USP4: variants seen among roughly 807,000 people sequenced by gnomAD.
The protein encoded by USP4 is ubiquitin carboxyl-terminal hydrolase 4.
Under a neutral mutation model 118.2 loss-of-function variants are expected in USP4, and 72 were observed. The observed-to-expected ratio is 0.61, with a 90% confidence interval of 0.50 to 0.74. The LOEUF (loss-of-function observed/expected upper bound fraction) is 0.74. USP4 is among the 30% of genes least tolerant of loss of function. USP4 has a pLI of 0.00. For synonymous variants in USP4, 415 were observed against 440.4 expected, an observed-to-expected ratio of 0.94 and a Z score of 0.72; for missense variants, 1,037 against 1,185.7, an observed-to-expected ratio of 0.87 and a Z score of 1.84.
chr3:49,334,479 A>C (rs2047649261), intron 2 of USP4, among the ~76,000 whole-genome samples: 1 of 152,202 alleles, frequency 6.6e-6, no homozygotes, highest in Non-Finnish European at 1.5e-5. Flanking sequence ...AAGTTAGGCC[A>C]GGCACAGTGG....
chr3:49,336,818 G>A (rs1028125911), intron 1 of USP4, among the ~76,000 whole-genome samples: 6 of 151,636 alleles, frequency 4.0e-5, no homozygotes, highest in East Asian at 1.9e-4. Flanking sequence ...CACCGCACCC[G>A]GCCACAAGTC....
At position 49,335,553 on chromosome 3, in the gene USP4, C is replaced by G. The variant is rs151304167; in HGVS notation, c.145G>C (p.Val49Leu). The G allele has an allele frequency of 2.5e-6, 4 of 1,614,102 alleles. No homozygotes were observed. In the African/African-American group the frequency reaches 5.3e-5, roughly 22 times the overall value. Residue 49 changes from valine to leucine, a missense_variant, in exon 2 of 22, where the codon GTG becomes CTG. By Grantham distance (32) the Val-to-Leu change is conservative. Coordinates refer to ENST00000265560, the MANE Select transcript of USP4 (RefSeq NM_003363.4). ...TACATGTCCCAGCTGTCAAAGCCCACATACTTCTTCCACTGCTTGAACCAC... is the reference window on the plus strand; with the variant it reads ...TACATGTCCCAGCTGTCAAAGCCCAGATACTTCTTCCACTGCTTGAACCAC... Reference protein sequence around the residue: ...SRWFKQWKKYVGFDSWDMYNV... With the variant: ...SRWFKQWKKYLGFDSWDMYNV...
intron 6 of USP4, among the ~76,000 whole-genome samples, chr3:49,313,645 G>A (rs978750614): frequency 6.6e-6 from 1 of 152,110 alleles, no homozygotes; most frequent in Non-Finnish European, 1.5e-5. Context: ...GTTTCACTAC[G>A]CCTTCTATGG....
chr3:49,324,674 TACA>T (rs2047533194), intron 6 of USP4, 25 bp downstream of exon 6: 2 of 1,608,494 alleles, frequency 1.2e-6, no homozygotes, highest in Non-Finnish European at 1.7e-6. Flanking sequence ...CATGTGAGCC[TACA>T]ACAAGGGAGA....
intron 3 of USP4, 118 bp from the exon 4 acceptor site, chr3:49,325,963 G>A: frequency 8.0e-7 from 1 of 1,247,544 alleles, no homozygotes; most frequent in Non-Finnish European, 1.1e-6. Flanking sequence ...TTCCTTTACT[G>A]ATCAAGGGAT....
At chr3:49,336,165 CTTTTTTTT>C (rs34604530) in intron 1 of USP4, among the ~76,000 whole-genome samples, 6 of 83,000 alleles carry the variant, frequency 7.2e-5, no homozygotes, top group Admixed American at 3.4e-4. Flanking sequence ...CACCTGGCCT[CTTTTTTTT>C]TTTTTTTTTT....
chr3:49,286,692 A>C (rs1473841468), intron 15 of USP4, among the ~76,000 whole-genome samples: 2 of 152,094 alleles, frequency 1.3e-5, no homozygotes, highest in African/African-American at 4.8e-5. Context: ...AATGAAACGC[A>C]CACTCAACAC....
Position 49,286,184 on chromosome 3 carries a change from C to T in USP4, c.2114G>A (p.Arg705Lys). 6.2e-7 allele frequency: 1 copy of T among 1,614,090 alleles called. No homozygotes were observed. The highest frequency in any genetic ancestry group is 8.5e-7 in the Non-Finnish European group (1 of 1,180,018). ...GTTCACAAGACTGAAGGTAAAAAGC[C>T]TTTTTGGGCAGGGCTGGCCTTTGAT... is the stretch of plus-strand genomic sequence containing the variant. ...KKIKGQPCPK[R>K]LFTFSLVNSY... is the part of the protein sequence containing the mutation. The change falls in exon 16 of 22, where the codon AGG (arginine) becomes AAG (lysine). Residue 705 changes from arginine to lysine, a missense_variant. This residue lies in a region of USP4 where 522 missense variants were observed against 592.6 expected (regional missense o/e 0.88). Transcript: ENST00000265560.
In USP4 at chr3:49,294,571, A is replaced by C; in HGVS notation, c.1719T>G (p.Asp573Glu). ...CTGGAAGCGTGACACATTCCGAGCC[A>C]TCCACGGAAGTGCTGCAGACCTCGT... ...FVYEVCSTSVDGSECVTLPVY... is the reference protein window; with the variant it reads ...FVYEVCSTSVEGSECVTLPVY... Residue 573 changes from aspartate to glutamate, a missense_variant, in exon 14 of 22, where the codon GAT (aspartate) becomes GAG (glutamate). Asp to Glu is a conservative substitution (Grantham distance 45). This residue lies in a region of USP4 where 522 missense variants were observed against 592.6 expected (regional missense o/e 0.88). Transcript: ENST00000265560. The C allele has an allele frequency of 6.2e-7, 1 of 1,614,136 alleles. No individual in the cohort carries two copies. Among genetic ancestry groups the C allele is most frequent in the Non-Finnish European group, 8.5e-7 (1 of 1,180,010 alleles).
chr3:49,339,909 G>A lies in USP4; in HGVS notation c.101+15C>T. ...CCCTGGTTCTGCATAGAGGAAGAGCGAGCCGGGAGCTCACCACTGCGCCCC... is the reference window on the plus strand; with the variant it reads ...CCCTGGTTCTGCATAGAGGAAGAGCAAGCCGGGAGCTCACCACTGCGCCCC... On this transcript the variant is annotated intron_variant, in intron 1 of 21. Coordinates refer to ENST00000265560, the MANE Select transcript of USP4 (RefSeq NM_003363.4). The A allele has an allele frequency of 6.2e-7, 1 of 1,609,144 alleles. No homozygotes were observed. Among genetic ancestry groups the A allele is most frequent in the Non-Finnish European group, 8.5e-7 (1 of 1,177,182 alleles).
chr3:49,319,083 C>T (rs1446629710), intron 6 of USP4, among the ~76,000 whole-genome samples: 3 of 149,494 alleles, frequency 2.0e-5, no homozygotes, highest in Non-Finnish European at 3.0e-5. Flanking sequence ...AATTCCACCA[C>T]CTTGGGAGGG....
At chr3:49,325,979 G>T in intron 3 of USP4, 134 bp from the exon 4 acceptor site, 1 of 1,176,826 alleles carries the variant, frequency 8.5e-7, no homozygotes, top group Non-Finnish European at 1.2e-6. Flanking sequence ...GGGATCAAAA[G>T]AACAGATTTT....
chr3:49,322,489 A>G (rs1303492545), intron 6 of USP4, among the ~76,000 whole-genome samples: 1 of 152,196 alleles, frequency 6.6e-6, no homozygotes, highest in African/African-American at 2.4e-5. Flanking sequence ...GAATGTGCAT[A>G]TAATTCTACA....
chr3:49,321,477 C>G (rs557093307), intron 6 of USP4, among the ~76,000 whole-genome samples: 1 of 151,400 alleles, frequency 6.6e-6, no homozygotes, highest in Non-Finnish European at 1.5e-5. Flanking sequence ...TATTATTGTA[C>G]CTTTTTTTTT....
In USP4 at chr3:49,284,325, A is replaced by G; in HGVS notation, c.2390+141T>C. The G allele has an allele frequency of 1.4e-5, 15 of 1,038,160 alleles. No individual in the cohort carries two copies. The South Asian group carries it at 2.1e-4, about 15-fold the overall frequency. 64.3% of individuals were successfully genotyped at this position (1,038,160 alleles called of 1,614,324 possible). On this transcript the variant is annotated intron_variant, in intron 18 of 21. Coordinates refer to ENST00000265560, the MANE Select transcript of USP4 (RefSeq NM_003363.4). ...CGGCTTTCCTTGGAAACCTCAACTC[A>G]CAGAGGATTATGTTGTAGGGTTAGC...
At chr3:49,325,933 G>A (rs1382197711) in intron 3 of USP4, 88 bp from the exon 4 acceptor site, 2 of 1,498,558 alleles carry the variant, frequency 1.3e-6, no homozygotes, top group African/African-American at 1.4e-5. Context: ...GCAAAAAGCA[G>A]AAAACTCATG....
intron 15 of USP4, among the ~76,000 whole-genome samples, chr3:49,286,954 A>G (rs964584642): frequency 1.3e-5 from 2 of 152,046 alleles, no homozygotes; most frequent in Admixed American, 1.3e-4. Context: ...GGTTCAAGCG[A>G]TTCTCCTACC....
rs540235712 is a variant in USP4 at position 49,300,131 on chromosome 3, C to T, written c.1512+336G>A. ...GCGTGGTGGTACACGCCTGTAATCC[C>T]GGCTACTGAGTGGCTGAGGTAGGAG... On this transcript the variant is annotated intron_variant, in intron 11 of 21. Coordinates refer to ENST00000265560, the MANE Select transcript of USP4 (RefSeq NM_003363.4). 6.8e-4 allele frequency among the ~76,000 whole-genome samples: 103 copies of T among 152,036 alleles called. No individual in the cohort carries two copies. In the Middle Eastern group the frequency reaches 0.017, roughly 25 times the overall value.
At chr3:49,310,201 A>G (rs1314541294) in intron 8 of USP4, among the ~76,000 whole-genome samples, 1 of 152,056 alleles carries the variant, frequency 6.6e-6, no homozygotes, top group African/African-American at 2.4e-5. Context: ...CTGGGATTAC[A>G]GGCGTGAGCC....
Sources: gnomAD v4.1 joint callset for allele counts (sites outside exome capture counted in the v4.1 genomes callset) on GRCh38, gnomAD v4.1.1 for gene constraint, gnomAD v4.1.1 regional missense constraint, MANE v1.5 for transcripts, NCBI Gene and HGNC (gene_info 2026-07-23, HGNC 2026-07-21) for gene names.